Variants in PITPNM2 observed in about 807,000 individuals in gnomAD.
PITPNM2 encodes phosphatidylinositol transfer protein membrane associated 2.
A neutral mutation model predicts 132.2 loss-of-function variants in PITPNM2; 35 were observed. The ratio of observed to expected loss-of-function variants is 0.26; its 90% CI spans 0.20 to 0.35. The LOEUF (loss-of-function observed/expected upper bound fraction) is 0.35. PITPNM2 is among the 10% of genes least tolerant of loss of function. The pLI is 1.00. For synonymous variants in PITPNM2, 738 were observed against 799.2 expected (o/e 0.92, Z 1.29); for missense variants, 1,332 against 1,912.0 (o/e 0.70, Z 5.66).
rs915502695 is a variant in PITPNM2, at chr12:122,996,973, C to T, written c.1473-63G>A. On this transcript the variant is annotated intron_variant, in intron 11 of 25. Transcript: ENST00000320201. Reference sequence around the variant, plus strand: ...CCAGCTCAGCCCAAAGGGCCCCTCTCCCCTGACCTGAGTCTCAGCCATGGA... The same window carrying T: ...CCAGCTCAGCCCAAAGGGCCCCTCTTCCCTGACCTGAGTCTCAGCCATGGA... The T allele has an allele frequency of 2.8e-6, 4 of 1,411,272 alleles. No homozygotes were observed. In the African/African-American group the frequency reaches 5.8e-5, roughly 20 times the overall value. 87.4% of individuals were successfully genotyped at this position (1,411,272 alleles called of 1,614,324 possible).
chr12:123,084,828 A>G (rs4148863), intron 2 of PITPNM2: 82,794 of 152,118 alleles, frequency 0.54, 27,067 homozygotes, highest in Non-Finnish European at 0.71. Flanking sequence ...GTGCTTTCAG[A>G]GACCATGTGA....
At chr12:123,013,695 T>A in intron 4 of PITPNM2, 133 bp downstream of exon 4, 1 of 1,048,408 alleles carries the variant, frequency 9.5e-7, no homozygotes, top group Non-Finnish European at 1.4e-6. Flanking sequence ...GAACAAAGCC[T>A]GGGTTCCCTG....
intron 2 of PITPNM2, among the ~76,000 whole-genome samples, chr12:123,068,277 C>G (rs2041500139): frequency 6.6e-6 from 1 of 152,070 alleles, no homozygotes; most frequent in African/African-American, 2.4e-5. Flanking sequence ...AACATCCTGG[C>G]TAACACGGTG....
chr12:123,059,883 A>G (rs2041174742), intron 2 of PITPNM2, among the ~76,000 whole-genome samples: 1 of 151,960 alleles, frequency 6.6e-6, no homozygotes, highest in South Asian at 2.1e-4. Context: ...ATGTTTTAGA[A>G]CTAGATAAAG....
chr12:123,133,925 G>A (rs528546396), intron 1 of PITPNM2, among the ~76,000 whole-genome samples: 2 of 152,130 alleles, frequency 1.3e-5, no homozygotes, highest in South Asian at 2.1e-4. Context: ...CAGGTGATAC[G>A]CCCACCTTGG....
At chr12:123,032,966 GCTC>G (rs2136445349) in intron 3 of PITPNM2, among the ~76,000 whole-genome samples, 1 of 152,322 alleles carries the variant, frequency 6.6e-6, no homozygotes, top group African/African-American at 2.4e-5. Flanking sequence ...GCTTCCTCAA[GCTC>G]CTCCCAGAAG....
intron 11 of PITPNM2, 111 bp downstream of exon 11, chr12:122,997,214 G>T: frequency 6.7e-7 from 1 of 1,498,284 alleles, no homozygotes; most frequent in Admixed American, 1.8e-5. Context: ...CTGGCCGGTG[G>T]GTCTGGACAT....
chr12:123,005,804 GA>G lies in PITPNM2; in HGVS notation c.644-257del, dbSNP rs2038902687. 2 of 526,422 alleles carry G rather than the reference GA, an allele frequency of 3.8e-6. No homozygotes were observed. Among genetic ancestry groups the G allele is most frequent in the African/African-American group, 3.8e-5 (2 of 52,692 alleles). The allele number at this position is 526,422 out of a possible 1,614,324, so 32.6% of individuals were successfully genotyped here. On this transcript the variant is annotated intron_variant, in intron 6 of 25. Transcript: ENST00000320201. This position sits in a 1 kb window ranked among gnomAD's most constrained non-coding sequence, Gnocchi z 6.2. ...CCTCCCAAAGCAATGTGTCCGGTCA[GA>G]AGCCACAGTTGGAAGGGCGCAGTGG...
In PITPNM2 at chr12:123,001,003, AGCCCTGCAACC is replaced by A. The variant is rs1246167926; in HGVS notation, c.1153+40_1153+50del. On this transcript the variant is annotated intron_variant, in intron 9 of 25. Transcript: ENST00000320201. ...AGCTGGTCAGAAAGGAGGGGGCTGA[AGCCCTGCAACC>A]GCCCTCCCCAGGCTCTGCAGCACCC... 3 of 1,566,842 alleles carry A rather than the reference AGCCCTGCAACC, an allele frequency of 1.9e-6. No individual in the cohort carries two copies. The African/African-American group carries it at 4.1e-5, about 21-fold the overall frequency.
Position 123,005,340 on chromosome 12 carries a change from G to T in PITPNM2, c.852C>A (p.Pro284=). Reference sequence around the variant, plus strand: ...CCCCATTGCTGCTGCTGGGCTCCGGGGGCTCCCCAGAGGTCTGGTCCGAGA... The same window carrying T: ...CCCCATTGCTGCTGCTGGGCTCCGGTGGCTCCCCAGAGGTCTGGTCCGAGA... ...EAVSDQTSGE[P]PEPSSSNGEP... The change falls in exon 7 of 26, where the codon CCC becomes CCA. Residue 284 remains proline (P), a synonymous_variant. Transcript: ENST00000320201. The surrounding 1 kb of genome is among the most constrained non-coding windows in gnomAD (Gnocchi z 6.2). 2 of 1,614,114 alleles carry T rather than the reference G, an allele frequency of 1.2e-6. No homozygotes were observed. Among genetic ancestry groups the T allele is most frequent in the Non-Finnish European group, 1.7e-6 (2 of 1,180,024 alleles).
chr12:123,114,909 G>A (rs1464400659), intron 1 of PITPNM2, among the ~76,000 whole-genome samples: 2 of 152,164 alleles, frequency 1.3e-5, no homozygotes, highest in Non-Finnish European at 2.9e-5. Context: ...ATGAAGGAAG[G>A]CACCTCCCAG....
intron 3 of PITPNM2, among the ~76,000 whole-genome samples, chr12:123,017,594 T>C (rs1212917378): frequency 1.3e-5 from 2 of 152,152 alleles, no homozygotes; most frequent in African/African-American, 4.8e-5. Flanking sequence ...TTCACACTAG[T>C]CAAAAGCTGT....
chr12:123,115,141 C>CACA (rs1485053463), intron 1 of PITPNM2, among the ~76,000 whole-genome samples: 1 of 152,214 alleles, frequency 6.6e-6, no homozygotes, highest in Non-Finnish European at 1.5e-5. Flanking sequence ...CCCACCCTCC[C>CACA]ACAGGCCAAG....
intron 18 of PITPNM2, 88 bp downstream of exon 18, chr12:122,989,699 G>T: frequency 8.0e-7 from 1 of 1,247,758 alleles, no homozygotes. Context: ...TTAGGCCGAA[G>T]CGGGGGTCTA....
chr12:123,040,946 T>C (rs1025858645), intron 2 of PITPNM2, among the ~76,000 whole-genome samples: 1 of 152,206 alleles, frequency 6.6e-6, no homozygotes, highest in African/African-American at 2.4e-5. Flanking sequence ...ATCAGATGGA[T>C]GGAATTTGTG....
rs1031656140 is a variant in PITPNM2 at position 122,986,347 on chromosome 12, T to G, written c.3730A>C (p.Ile1244Leu). The G allele has an allele frequency of 6.3e-7, 1 of 1,582,054 alleles. No homozygotes were observed. The highest frequency in any genetic ancestry group is 1.3e-5 in the African/African-American group (1 of 74,308). The change falls in exon 26 of 26, where the codon ATC (isoleucine) becomes CTC (leucine). Residue 1244 changes from isoleucine (I) to leucine (L), a missense_variant. Physicochemically the swap from Ile to Leu is conservative, Grantham distance 5 (BLOSUM62 2). Coordinates refer to ENST00000320201, the MANE Select transcript of PITPNM2 (RefSeq NM_020845.3). ...AGGTGGGCCGCGTAGCCATCCGTGA[T>G]GAACTGCGGGGTCAGTGAGGACGGC... ...TKKLQQQCQF[I>L]TDGYAAHLAQ...
chr12:123,121,133 A>G lies in PITPNM2; in HGVS notation c.-199-10645T>C, dbSNP rs529713362. On this transcript the variant is annotated intron_variant, in intron 1 of 25. Coordinates refer to ENST00000320201, the MANE Select transcript of PITPNM2 (RefSeq NM_020845.3). Reference sequence around the variant, plus strand: ...CTCTGCTGACTCCCAAACCCCAGTGAGCAGGTCAGCGCCAGGCCTGGCCAA... The same window carrying G: ...CTCTGCTGACTCCCAAACCCCAGTGGGCAGGTCAGCGCCAGGCCTGGCCAA... Among the ~76,000 whole-genome samples, 6 of 152,370 alleles carry G rather than the reference A, an allele frequency of 3.9e-5. No individual in the cohort carries two copies. The South Asian group carries it at 1.2e-3, about 32-fold the overall frequency.
intron 3 of PITPNM2, among the ~76,000 whole-genome samples, chr12:123,027,040 G>T (rs2039887991): frequency 6.6e-6 from 1 of 152,114 alleles, no homozygotes; most frequent in South Asian, 2.1e-4. Flanking sequence ...TCACCAGTGG[G>T]GTGAGTGCCC....
At chr12:123,069,062 GGGC>G (rs879801413) in intron 2 of PITPNM2, among the ~76,000 whole-genome samples, 3 of 152,022 alleles carry the variant, frequency 2.0e-5, no homozygotes, top group Admixed American at 6.6e-5. Context: ...AGACTAGCCT[GGGC>G]AATATGGTGA....
Sources: gnomAD v4.1 joint callset for allele counts (sites outside exome capture counted in the v4.1 genomes callset) on GRCh38, gnomAD v4.1.1 for gene constraint, Gnocchi (gnomAD v3.1) non-coding constraint, MANE v1.5 for transcripts, NCBI Gene and HGNC (gene_info 2026-07-23, HGNC 2026-07-21) for gene names.